Variants in CCSER1 observed in about 807,000 individuals in gnomAD.
The protein encoded by CCSER1 is coiled-coil serine rich protein 1.
A neutral mutation model predicts 82.0 loss-of-function variants in CCSER1; 41 were observed. That is an observed-to-expected ratio of 0.50 (90% CI 0.39 to 0.65). The LOEUF is 0.65. Among genes scored for constraint, CCSER1 ranks in the 30% least tolerant of loss-of-function variants. The probability of loss-of-function intolerance (pLI) is 0.00; values close to 1 mark genes in which losing one functional copy is unlikely to be tolerated. For missense variants in CCSER1, 1,119 were observed against 1,064.2 expected (o/e 1.05, Z -0.72); for synonymous variants, 414 against 383.9 (o/e 1.08, Z -0.92).
chr4:91,109,303 G>C (rs1725895253), intron 10 of CCSER1, among the ~76,000 whole-genome samples: 1 of 152,110 alleles, frequency 6.6e-6, no homozygotes, highest in African/African-American at 2.4e-5. Flanking sequence ...TCTATCTATT[G>C]ATTGATGTAT....
chr4:91,225,313 GTAATATATATGTATATATATTATATATGT>G (rs1363356383), intron 10 of CCSER1, among the ~76,000 whole-genome samples: 11 of 119,850 alleles, frequency 9.2e-5, no homozygotes, highest in East Asian at 2.3e-4. Context: ...TATTATATAT[GTAATATATATGTATATATATTATATATGT>G]AATATATATG....
rs976227362 is a variant in CCSER1, at chr4:91,592,348, T to C, written c.2218-6224T>C. Among the ~76,000 whole-genome samples the C allele has an allele frequency of 7.2e-5, 11 of 152,062 alleles. No individual in the cohort carries two copies. In the East Asian group the frequency reaches 9.6e-4, roughly 13 times the overall value. ...AACTGCCAGAGTCTCTCCCATGACATGTGGGGATTACGGGAACTACAACTC... is the reference window on the plus strand; with the variant it reads ...AACTGCCAGAGTCTCTCCCATGACACGTGGGGATTACGGGAACTACAACTC... On this transcript the variant is annotated intron_variant, in intron 10 of 10. Transcript: ENST00000509176.
intron 10 of CCSER1, among the ~76,000 whole-genome samples, chr4:91,460,703 A>T (rs576306452): frequency 3.3e-5 from 5 of 152,154 alleles, no homozygotes; most frequent in Non-Finnish European, 7.4e-5. Context: ...CCCAGTGTTT[A>T]CTCTTCGAGC....
chr4:91,093,165 G>A (rs1252621235), intron 10 of CCSER1, among the ~76,000 whole-genome samples: 1 of 152,182 alleles, frequency 6.6e-6, no homozygotes, highest in Non-Finnish European at 1.5e-5. Flanking sequence ...TGAGGCAATG[G>A]TTTGGCTTCA....
intron 10 of CCSER1, among the ~76,000 whole-genome samples, chr4:91,233,847 C>T (rs1384173951): frequency 6.6e-6 from 1 of 151,556 alleles, no homozygotes; most frequent in African/African-American, 2.4e-5. Flanking sequence ...TTGGCAACTA[C>T]AAACGAATAA....
chr4:90,357,812 G>A lies in CCSER1; in HGVS notation c.1510-42224G>A, dbSNP rs113762992. Among the ~76,000 whole-genome samples, 302 of 152,042 alleles carry A rather than the reference G, an allele frequency of 2.0e-3. 1 individual carries two copies. The highest frequency in any genetic ancestry group is 6.3e-3 in the African/African-American group (262 of 41,510). On this transcript the variant is annotated intron_variant, in intron 3 of 10. Transcript: ENST00000509176. ...TTAGAAGGTCAATTCTAAAACTATC[G>A]TGTCAGCTTCTTTGCTAGCAAGAAG...
At chr4:91,441,700 A>G (rs1755165021) in intron 10 of CCSER1, among the ~76,000 whole-genome samples, 1 of 152,196 alleles carries the variant, frequency 6.6e-6, no homozygotes, top group Non-Finnish European at 1.5e-5. Flanking sequence ...TGCAGATGAC[A>G]TGACTGTATA....
chr4:91,552,968 G>T (rs900735601), intron 10 of CCSER1, among the ~76,000 whole-genome samples: 2 of 151,422 alleles, frequency 1.3e-5, no homozygotes, highest in African/African-American at 4.9e-5. Flanking sequence ...TAGAGGACAA[G>T]ATTTCGGATT....
chr4:90,966,133 G>A (rs1291349239), intron 9 of CCSER1, among the ~76,000 whole-genome samples: 1 of 151,938 alleles, frequency 6.6e-6, no homozygotes, highest in African/African-American at 2.4e-5. Context: ...ACGCTGTGAA[G>A]TGTATCAACA....
At chr4:90,262,167 C>G (rs1724454196) in intron 1 of CCSER1, among the ~76,000 whole-genome samples, 1 of 151,808 alleles carries the variant, frequency 6.6e-6, no homozygotes, top group Non-Finnish European at 1.5e-5. Context: ...ATTAAAGAAC[C>G]CTGTTTTGTC....
chr4:90,186,871 G>T (rs1274883793), intron 1 of CCSER1, among the ~76,000 whole-genome samples: 1 of 151,716 alleles, frequency 6.6e-6, no homozygotes, highest in Non-Finnish European at 1.5e-5. Flanking sequence ...TGTAACCAAG[G>T]CCTCTTTTGT....
intron 4 of CCSER1, among the ~76,000 whole-genome samples, chr4:90,433,494 A>G (rs1758583433): frequency 6.6e-6 from 1 of 152,046 alleles, no homozygotes; most frequent in African/African-American, 2.4e-5. Context: ...TGTCAAAACT[A>G]TTTTCATAAT....
At chr4:90,698,296 T>G (rs1022016642) in intron 6 of CCSER1, among the ~76,000 whole-genome samples, 19 of 152,122 alleles carry the variant, frequency 1.2e-4, no homozygotes, top group African/African-American at 4.6e-4. Flanking sequence ...GTGTGTGACA[T>G]TGAACTCCTT....
intron 10 of CCSER1, among the ~76,000 whole-genome samples, chr4:91,346,111 C>T (rs376173622): frequency 5.3e-5 from 8 of 151,614 alleles, no homozygotes; most frequent in African/African-American, 9.7e-5. Flanking sequence ...GCAACCTCCA[C>T]GTCCCGGGTT....
intron 9 of CCSER1, among the ~76,000 whole-genome samples, chr4:91,067,121 G>A (rs901081016): frequency 6.6e-6 from 1 of 151,064 alleles, no homozygotes; most frequent in African/African-American, 2.4e-5. Flanking sequence ...CAGAGATCGC[G>A]CCACTGCACT....
At chr4:90,462,208 C>T (rs952670746) in intron 4 of CCSER1, among the ~76,000 whole-genome samples, 8 of 151,964 alleles carry the variant, frequency 5.3e-5, no homozygotes, top group African/African-American at 1.9e-4. Flanking sequence ...TATTTATCAA[C>T]CAGGAAAACA....
intron 10 of CCSER1, among the ~76,000 whole-genome samples, chr4:91,537,750 A>C (rs1441377810): frequency 6.6e-6 from 1 of 151,964 alleles, no homozygotes; most frequent in Non-Finnish European, 1.5e-5. Context: ...AAAGCTTTAC[A>C]TCCCATAGCA....
chr4:90,632,099 A>T (rs1449260412), intron 6 of CCSER1, among the ~76,000 whole-genome samples: 1 of 152,164 alleles, frequency 6.6e-6, no homozygotes, highest in East Asian at 1.9e-4. Context: ...ATTTTAATGA[A>T]TATAAGCATT....
chr4:90,614,716 A>G (rs1343420564), intron 5 of CCSER1, among the ~76,000 whole-genome samples: 2 of 152,220 alleles, frequency 1.3e-5, no homozygotes, highest in Non-Finnish European at 2.9e-5. Flanking sequence ...GGGTTGGTTC[A>G]TGAGATTTAA....
Sources: gnomAD v4.1 joint callset for allele counts (sites outside exome capture counted in the v4.1 genomes callset) on GRCh38, gnomAD v4.1.1 for gene constraint, MANE v1.5 for transcripts, NCBI Gene and HGNC (gene_info 2026-07-23, HGNC 2026-07-21) for gene names.